Variants in FHIT observed in about 807,000 individuals in gnomAD.
FHIT encodes the protein fragile histidine triad diadenosine triphosphatase.
FHIT carries 19 observed loss-of-function variants against 17.9 expected under a neutral mutation model. That is an observed-to-expected ratio of 1.06 (90% confidence interval 0.74 to 1.56). The LOEUF (loss-of-function observed/expected upper bound fraction) is 1.56, where lower values mean the gene tolerates loss of function less well. Ranked by LOEUF, FHIT falls within the 40% of genes most tolerant of loss-of-function variation. The probability of loss-of-function intolerance (pLI) is 0.00; values close to 1 mark genes in which losing one functional copy is unlikely to be tolerated. For synonymous variants in FHIT, 81 were observed against 69.7 expected (o/e 1.16, Z -0.81); for missense variants, 248 against 189.2 (o/e 1.31, Z -1.82).
At chr3:60,847,331 G>A (rs1197825623) in intron 3 of FHIT, among the ~76,000 whole-genome samples, 11 of 128,562 alleles carry the variant, frequency 8.6e-5, no homozygotes, top group African/African-American at 3.2e-4. Flanking sequence ...AACAGCTGTT[G>A]CTTGCACATT....
chr3:61,249,377 C>T (rs1234667361), intron 1 of FHIT, among the ~76,000 whole-genome samples: 2 of 152,108 alleles, frequency 1.3e-5, no homozygotes, highest in Non-Finnish European at 2.9e-5. Context: ...AGAAGTGTTC[C>T]AAGATCTTTG....
At chr3:61,039,719 CG>C (rs983426733) in intron 3 of FHIT, among the ~76,000 whole-genome samples, 5 of 151,882 alleles carry the variant, frequency 3.3e-5, no homozygotes, top group African/African-American at 1.2e-4. Flanking sequence ...TAGGAGTCTG[CG>C]GGGGTTAGCA....
chr3:60,697,628 T>G (rs981637821), intron 4 of FHIT, among the ~76,000 whole-genome samples: 1 of 152,096 alleles, frequency 6.6e-6, no homozygotes, highest in Non-Finnish European at 1.5e-5. Context: ...ATATATATAT[T>G]TTAAAAGACA....
chr3:59,887,863 A>G (rs1703692349), intron 8 of FHIT, among the ~76,000 whole-genome samples: 1 of 152,132 alleles, frequency 6.6e-6, no homozygotes, highest in South Asian at 2.1e-4. Context: ...CCCTTTCTCC[A>G]AGATGTATTC....
intron 2 of FHIT, among the ~76,000 whole-genome samples, chr3:61,060,185 A>G (rs910885599): frequency 1.3e-5 from 2 of 152,166 alleles, no homozygotes; most frequent in African/African-American, 2.4e-5. Flanking sequence ...ATAGATTTCA[A>G]TGTAAAATAT....
intron 5 of FHIT, among the ~76,000 whole-genome samples, chr3:60,026,610 C>G (rs1314985007): frequency 6.6e-6 from 1 of 152,030 alleles, no homozygotes; most frequent in African/African-American, 2.4e-5. Flanking sequence ...GTCTTCCTCT[C>G]CAGTTCTAAC....
chr3:60,520,237 C>T (rs2035308595), intron 5 of FHIT, among the ~76,000 whole-genome samples: 1 of 151,836 alleles, frequency 6.6e-6, no homozygotes, highest in African/African-American at 2.4e-5. Context: ...ATATTTCTAG[C>T]TAGTTTTTTT....
intron 7 of FHIT, among the ~76,000 whole-genome samples, chr3:59,932,280 A>T (rs950153122): frequency 3.8e-4 from 55 of 145,476 alleles, no homozygotes; most frequent in African/African-American, 1.3e-3. Flanking sequence ...TTTATTTTTT[A>T]TTTTTTGGTT....
intron 5 of FHIT, among the ~76,000 whole-genome samples, chr3:60,041,708 C>A (rs1475276020): frequency 2.0e-5 from 3 of 152,184 alleles, no homozygotes; most frequent in Non-Finnish European, 4.4e-5. Context: ...ACTCAGGACA[C>A]CCACAAAAGA....
chr3:60,479,754 T>C (rs114961044), intron 5 of FHIT, among the ~76,000 whole-genome samples: 4,529 of 152,236 alleles, frequency 0.03, 214 homozygotes, highest in African/African-American at 0.1. Flanking sequence ...CTATTGTGAA[T>C]TGCACATGCG....
chr3:59,795,693 C>T lies in FHIT; in HGVS notation c.349-43372G>A, dbSNP rs1015351402. The stretch of plus-strand genomic sequence containing the variant: ...GGTGAGCTATGATTGCACCACTGTA[C>T]TCCAGCCTGGGCAACAGAGCAAAAC... On this transcript the variant is annotated intron_variant, in intron 8 of 9. Coordinates refer to ENST00000492590, the MANE Select transcript of FHIT (RefSeq NM_002012.4). Among the ~76,000 whole-genome samples, 4 of 152,022 alleles carry T rather than the reference C, an allele frequency of 2.6e-5. No homozygotes were observed. The South Asian group carries it at 8.3e-4, about 32-fold the overall frequency.
chr3:60,722,707 CTTTTTTTTTTT>C (rs1157024624), intron 4 of FHIT, among the ~76,000 whole-genome samples: 4 of 104,946 alleles, frequency 3.8e-5, no homozygotes, highest in East Asian at 2.9e-4. Context: ...TACCTTAAAT[CTTTTTTTTTTT>C]TTTTTTTTTT....
chr3:60,970,630 C>T (rs1267186005), intron 3 of FHIT, among the ~76,000 whole-genome samples: 2 of 151,782 alleles, frequency 1.3e-5, no homozygotes, highest in African/African-American at 4.8e-5. Context: ...AAGTGGTTAC[C>T]CTGGAAATGA....
chr3:60,112,930 G>C (rs1468918240), intron 5 of FHIT, among the ~76,000 whole-genome samples: 1 of 152,140 alleles, frequency 6.6e-6, no homozygotes, highest in African/African-American at 2.4e-5. Flanking sequence ...ACTCACAGTC[G>C]AATACCACTG....
At position 60,682,946 on chromosome 3, in the gene FHIT, C is replaced by T. The variant is rs576583851; in HGVS notation, c.-18+138973G>A. Among the ~76,000 whole-genome samples, 9 of 152,246 alleles carry T rather than the reference C, an allele frequency of 5.9e-5. No homozygotes were observed. The South Asian group carries it at 1.9e-3, about 32-fold the overall frequency. On this transcript the variant is annotated intron_variant, in intron 4 of 9. Transcript: ENST00000492590. ...GGTGTTTGGGAGAAGTTGATTCCAACTCTCATGGATGACTTTGAGGGGTTC... is the reference window on the plus strand; with the variant it reads ...GGTGTTTGGGAGAAGTTGATTCCAATTCTCATGGATGACTTTGAGGGGTTC...
chr3:59,832,644 CAAG>C (rs773324578), intron 8 of FHIT, among the ~76,000 whole-genome samples: 91 of 152,246 alleles, frequency 6.0e-4, no homozygotes, highest in Admixed American at 1.3e-3. Context: ...AGAATAGAGC[CAAG>C]AAGAAGTGCT....
chr3:60,559,460 T>C (rs1223709922), intron 4 of FHIT, among the ~76,000 whole-genome samples: 1 of 152,248 alleles, frequency 6.6e-6, no homozygotes, highest in Non-Finnish European at 1.5e-5. Context: ...GCTGCTGAGA[T>C]GTCCCCTCTT....
intron 2 of FHIT, among the ~76,000 whole-genome samples, chr3:61,133,639 G>A (rs1246663389): frequency 6.6e-6 from 1 of 152,084 alleles, no homozygotes; most frequent in Non-Finnish European, 1.5e-5. Flanking sequence ...CTTTACTCGG[G>A]TTAAGTATAT....
At chr3:61,081,718 C>T (rs2035142595) in intron 2 of FHIT, among the ~76,000 whole-genome samples, 1 of 152,168 alleles carries the variant, frequency 6.6e-6, no homozygotes, top group Non-Finnish European at 1.5e-5. Context: ...TATGAGGACA[C>T]CATTCACATT....
Sources: allele counts gnomAD v4.1 joint callset (sites outside exome capture counted in the v4.1 genomes callset), GRCh38; gene constraint gnomAD v4.1.1; transcripts MANE v1.5; gene names NCBI Gene and HGNC (gene_info 2026-07-23, HGNC 2026-07-21).